The following KANTR variants were observed in gnomAD, a reference collection of about 807,000 sequenced individuals.
The protein encoded by KANTR is KANTR integral membrane protein.
intron 2 of KANTR, among the ~76,000 whole-genome samples, chrX:53,112,217 T>C (rs1933052504): frequency 1.8e-5 from 2 of 110,958 alleles, no homozygotes; most frequent in South Asian, 7.7e-4. Flanking sequence ...ATTGAGAACA[T>C]ACAATGTTTG....
chrX:53,117,568 C>T lies in KANTR; in HGVS notation c.-804-5901C>T, dbSNP rs183372257. On this transcript the variant is annotated intron_variant, in intron 2 of 2. Coordinates refer to ENST00000604062, the Ensembl canonical transcript of KANTR. ...ATTGTTTATTTGACTCAGTTGTGAG[C>T]CTTGTAAAAATAGTATCATACTGTG... 3.3e-3 allele frequency among the ~76,000 whole-genome samples: 341 copies of T among 103,637 alleles called. 2 individuals are homozygous for T. Among genetic ancestry groups the T allele is most frequent in the Middle Eastern group, 0.01 (2 of 198 alleles). 90.0% of individuals were successfully genotyped at this position (103,637 alleles called of 115,157 possible).
At position 53,109,764 on chromosome X, in the gene KANTR, T is replaced by G. The variant is rs781939030; in HGVS notation, c.-805+10156T>G. Among the ~76,000 whole-genome samples, 11 of 107,956 alleles carry G rather than the reference T, an allele frequency of 1.0e-4. No homozygotes were observed. In the South Asian group the frequency reaches 4.4e-3, roughly 43 times the overall value. The allele number at this position is 107,956 out of a possible 115,157, so 93.7% of individuals were successfully genotyped here. A position where few individuals can be genotyped will look rare whatever the true frequency, so the allele number is the denominator to read the frequency against. On this transcript the variant is annotated intron_variant, in intron 2 of 2. Coordinates refer to ENST00000604062, the Ensembl canonical transcript of KANTR. Reference sequence around the variant, plus strand: ...ACGGTTTTCTTTTTTCTTTCTTTTTTTTTTTTTGGAGACAGAGTCTCACTG... The same window carrying G: ...ACGGTTTTCTTTTTTCTTTCTTTTTGTTTTTTTGGAGACAGAGTCTCACTG...
exon 3 of KANTR, chrX:53,124,779 A>G (rs1933273349): frequency 5.9e-6 from 1 of 170,929 alleles, no homozygotes; most frequent in African/African-American, 3.0e-5. Flanking sequence ...TGGTCAGAGG[A>G]TGTGGTTTGT....
downstream of KANTR, among the ~76,000 whole-genome samples, chrX:53,146,115 G>T (rs1220577688): frequency 9.8e-5 from 11 of 112,374 alleles, no homozygotes; most frequent in African/African-American, 3.6e-4. Context: ...AAGGAACACA[G>T]CTCCTCACCA....
chrX:53,134,898 A>G (rs1556817436), intron 2 of KANTR, among the ~76,000 whole-genome samples: 1 of 112,062 alleles, frequency 8.9e-6, no homozygotes, highest in Non-Finnish European at 1.9e-5. Context: ...GGTCCCTAAT[A>G]AATCTGATTG....
At chrX:53,101,400 G>T (rs1342521972) in intron 2 of KANTR, among the ~76,000 whole-genome samples, 1 of 111,400 alleles carries the variant, frequency 9.0e-6, no homozygotes, top group African/African-American at 3.3e-5. Context: ...GAGCCGAGGA[G>T]TTTGAGACCA....
downstream of KANTR, among the ~76,000 whole-genome samples, chrX:53,147,278 C>T (rs1322984009): frequency 9.0e-6 from 1 of 111,197 alleles, no homozygotes; most frequent in African/African-American, 3.3e-5. Context: ...GGAAGACCTA[C>T]GAAGCAAATG....
intron 2 of KANTR, among the ~76,000 whole-genome samples, chrX:53,119,945 C>A (rs1232113633): frequency 9.0e-6 from 1 of 111,180 alleles, no homozygotes; most frequent in Non-Finnish European, 1.9e-5. Flanking sequence ...TCTCGAACGC[C>A]TGCGCTCAAG....
chrX:53,138,039 A>C (rs372754120), intron 2 of KANTR, among the ~76,000 whole-genome samples: 32 of 108,452 alleles, frequency 3.0e-4, no homozygotes, highest in African/African-American at 1.0e-3. Flanking sequence ...TTTCTGCCTT[A>C]TTTCTTTCTT....
downstream of KANTR, among the ~76,000 whole-genome samples, chrX:53,145,695 T>C (rs1282287058): frequency 1.8e-5 from 2 of 112,335 alleles, no homozygotes; most frequent in African/African-American, 3.2e-5. Context: ...ATGGACAGAC[T>C]GCCTCCTCAA....
At chrX:53,116,400 T>C (rs1008777895) in intron 2 of KANTR, among the ~76,000 whole-genome samples, 1 of 112,245 alleles carries the variant, frequency 8.9e-6, no homozygotes, top group Non-Finnish European at 1.9e-5. Context: ...CCCAGCTCTT[T>C]CCTTGGCGTG....
intron 2 of KANTR, among the ~76,000 whole-genome samples, chrX:53,121,639 C>T (rs1933223434): frequency 1.8e-5 from 2 of 108,883 alleles, no homozygotes; most frequent in African/African-American, 6.7e-5. Flanking sequence ...TTTTTTTTCC[C>T]AGAAGTCCAT....
chrX:53,129,239 G>GTGTGTGTGTGTGTGTT (rs1933330917), downstream of KANTR, among the ~76,000 whole-genome samples: 2 of 100,067 alleles, frequency 2.0e-5, no homozygotes, highest in Non-Finnish European at 4.1e-5. Context: ...GGCTATTTGT[G>GTGTGTGTGTGTGTGTT]TGTGTGTGTG....
rs781955096 is a variant in KANTR at position 53,109,152 on chromosome X, A to G, written c.-805+9544A>G. Among the ~76,000 whole-genome samples, 83 of 112,625 alleles carry G rather than the reference A, an allele frequency of 7.4e-4. No individual in the cohort carries two copies. In the Middle Eastern group the frequency reaches 0.014, roughly 19 times the overall value. ...TAAACAATACTAATTTTTCCAATTC[A>G]TGACCACAGGGTATCTTTCCATGTA... On this transcript the variant is annotated intron_variant, in intron 2 of 2. Coordinates refer to ENST00000604062, the Ensembl canonical transcript of KANTR.
At chrX:53,147,858 T>C (rs1569243350) in intron 3 of KANTR, among the ~76,000 whole-genome samples, 1 of 111,855 alleles carries the variant, frequency 8.9e-6, no homozygotes, top group Non-Finnish European at 1.9e-5. Context: ...AACTGGCTCC[T>C]GAAAGACTAC....
chrX:53,142,315 T>TG (rs1933514289), exon 3 of KANTR: 1 of 56,616 alleles, frequency 1.8e-5, no homozygotes, highest in Non-Finnish European at 4.0e-5. Context: ...TTTCTGTGTA[T>TG]GTTTTTTTTT....
At chrX:53,130,058 G>T (rs150474300), downstream of KANTR, among the ~76,000 whole-genome samples, 1,297 of 110,446 alleles carry the variant, frequency 0.012, 19 homozygotes, top group African/African-American at 0.041. Context: ...GTAGAGACAG[G>T]ATTTCACCAT....
chrX:53,128,699 T>A (rs1933320661), downstream of KANTR, among the ~76,000 whole-genome samples: 1 of 111,575 alleles, frequency 9.0e-6, no homozygotes, highest in African/African-American at 3.3e-5. Context: ...TATATTCTCT[T>A]ATTTTTAAAT....
At chrX:53,118,617 C>T (rs1556815040) in intron 2 of KANTR, among the ~76,000 whole-genome samples, 1 of 110,111 alleles carries the variant, frequency 9.1e-6, no homozygotes, top group Admixed American at 9.7e-5. Context: ...AAAAATTACC[C>T]GGGTGTGGTG....
Sources: gnomAD v4.1 joint callset for allele counts (sites outside exome capture counted in the v4.1 genomes callset) on GRCh38, gnomAD v4.1.1 for gene constraint, MANE v1.5 for transcripts, NCBI Gene and HGNC (gene_info 2026-07-23, HGNC 2026-07-21) for gene names.